The following TENM3 variants were observed in gnomAD, a reference collection of about 807,000 sequenced individuals.
TENM3 encodes the protein teneurin transmembrane protein 3.
Under a neutral mutation model 255.1 loss-of-function variants are expected in TENM3, and 63 were observed. That is an observed-to-expected ratio of 0.25 (90% confidence interval 0.20 to 0.30). TENM3 has a LOEUF of 0.30. Ranked by LOEUF, TENM3 falls within the 10% of genes least tolerant of loss-of-function variation. TENM3 has a pLI of 1.00. For missense variants in TENM3, 2,929 were observed against 3,461.1 expected, an observed-to-expected ratio of 0.85 and a Z score of 3.86; for synonymous variants, 1,306 against 1,322.3, an observed-to-expected ratio of 0.99 and a Z score of 0.27.
At chr4:181,448,660 C>T in the TENM3 span, among the ~76,000 whole-genome samples, 1 of 152,138 alleles carries the variant, frequency 6.6e-6, no homozygotes, top group Non-Finnish European at 1.5e-5. Context: ...GATATTGGCT[C>T]TGTTGATGAG....
At chr4:181,684,121 G>T in the TENM3 span, among the ~76,000 whole-genome samples, 92 of 152,128 alleles carry the variant, frequency 6.0e-4, no homozygotes, top group Non-Finnish European at 7.1e-4. Flanking sequence ...AGCGTTCCTG[G>T]CGTCCTCCAC....
chr4:181,584,318 C>T, the TENM3 span, among the ~76,000 whole-genome samples: 1 of 152,080 alleles, frequency 6.6e-6, no homozygotes. Flanking sequence ...GTATAAACTG[C>T]TGTGTATTGA....
At chr4:181,602,078 A>ATATTTAGG in the TENM3 span, among the ~76,000 whole-genome samples, 1 of 152,306 alleles carries the variant, frequency 6.6e-6, no homozygotes, top group South Asian at 2.1e-4. Flanking sequence ...CAGTGGACAA[A>ATATTTAGG]TCTTTTGGAT....
At chr4:181,773,873 A>G in the TENM3 span, among the ~76,000 whole-genome samples, 2 of 152,160 alleles carry the variant, frequency 1.3e-5, no homozygotes, top group African/African-American at 2.4e-5. Context: ...CAACTCTGAG[A>G]GTGAATGCCC....
chr4:181,565,565 C>A, the TENM3 span, among the ~76,000 whole-genome samples: 1 of 152,144 alleles, frequency 6.6e-6, no homozygotes, highest in Non-Finnish European at 1.5e-5. Context: ...CGGACGAGGG[C>A]ACGCAGCAAA....
At chr4:181,580,679 AAG>A in the TENM3 span, among the ~76,000 whole-genome samples, 1 of 152,026 alleles carries the variant, frequency 6.6e-6, no homozygotes, top group African/African-American at 2.4e-5. Flanking sequence ...GAGACAGAGA[AAG>A]AGAGAGAGAG....
At chr4:181,612,033 G>T in the TENM3 span, among the ~76,000 whole-genome samples, 1 of 152,022 alleles carries the variant, frequency 6.6e-6, no homozygotes, top group Non-Finnish European at 1.5e-5. Flanking sequence ...TGGCCTTTAT[G>T]CCTCAGGAAA....
the TENM3 span, among the ~76,000 whole-genome samples, chr4:181,884,693 C>G: frequency 6.6e-6 from 1 of 152,114 alleles, no homozygotes; most frequent in African/African-American, 2.4e-5. Context: ...AAAAAATAAT[C>G]TAATCTTTTC....
the TENM3 span, among the ~76,000 whole-genome samples, chr4:181,502,877 C>A: frequency 1.3e-5 from 2 of 152,176 alleles, no homozygotes; most frequent in African/African-American, 4.8e-5. Context: ...GCAAGCAGAG[C>A]AAGAGTGAAC....
At chr4:181,785,732 C>T in the TENM3 span, among the ~76,000 whole-genome samples, 75 of 151,916 alleles carry the variant, frequency 4.9e-4, no homozygotes, top group Non-Finnish European at 8.4e-4. Context: ...AAATGAAATC[C>T]GACACACCTG....
intron 20 of TENM3, 103 bp downstream of exon 20, chr4:182,752,135 T>A: frequency 1.3e-6 from 1 of 769,460 alleles, no homozygotes; most frequent in Non-Finnish European, 2.0e-6. Context: ...ATGCTGAGTC[T>A]AACTTTTTAC....
chr4:182,785,731 A>AG (rs1765595187), intron 24 of TENM3, among the ~76,000 whole-genome samples: 2 of 150,770 alleles, frequency 1.3e-5, no homozygotes, highest in Admixed American at 6.6e-5. Flanking sequence ...AAAAAAAAAA[A>AG]AAGCCACTGA....
chr4:182,314,200 C>T (rs189336551), intron 1 of TENM3, among the ~76,000 whole-genome samples: 2,453 of 152,052 alleles, frequency 0.016, 38 homozygotes, highest in Non-Finnish European at 0.027. Flanking sequence ...ACTCGGGAGG[C>T]TGAGGCAGGA....
At chr4:182,593,162 G>GT (rs1471962466) in intron 3 of TENM3, among the ~76,000 whole-genome samples, 1 of 152,182 alleles carries the variant, frequency 6.6e-6, no homozygotes, top group East Asian at 1.9e-4. Context: ...AACAATATGT[G>GT]TATCATATTG....
At chr4:181,628,098 C>T in the TENM3 span, among the ~76,000 whole-genome samples, 1 of 152,178 alleles carries the variant, frequency 6.6e-6, no homozygotes, top group Non-Finnish European at 1.5e-5. Flanking sequence ...TGATGATGAG[C>T]ATTTTTTCAT....
chr4:182,480,535 A>G (rs1734095787), intron 3 of TENM3, among the ~76,000 whole-genome samples: 1 of 151,704 alleles, frequency 6.6e-6, no homozygotes, highest in South Asian at 2.1e-4. Flanking sequence ...AGTAACTAAT[A>G]TATTAACACA....
chr4:181,579,939 ATTTTATTTTATTTTATTTT>A, the TENM3 span, among the ~76,000 whole-genome samples: 1 of 3,512 alleles, frequency 2.8e-4, no homozygotes, highest in Non-Finnish European at 7.9e-4. Flanking sequence ...CTACAATTTT[ATTTTATTTTATTTTATTTT>A]ATTTTATTTT....
chr4:182,659,376 A>G (rs2152526205), intron 6 of TENM3, among the ~76,000 whole-genome samples: 1 of 152,236 alleles, frequency 6.6e-6, no homozygotes, highest in East Asian at 1.9e-4. Context: ...TATTGTTATA[A>G]TTGTTCTATT....
intron 1 of TENM3, among the ~76,000 whole-genome samples, chr4:182,167,761 A>C (rs1323099652): frequency 6.6e-6 from 1 of 152,072 alleles, no homozygotes; most frequent in Non-Finnish European, 1.5e-5. Context: ...CTGTAGTCCC[A>C]GCTACTTGGG....
Sources: gnomAD v4.1 joint callset for allele counts (sites outside exome capture counted in the v4.1 genomes callset) on GRCh38, gnomAD v4.1.1 for gene constraint, MANE v1.5 for transcripts, NCBI Gene and HGNC (gene_info 2026-07-23, HGNC 2026-07-21) for gene names.